The following E2F5 variants were observed in gnomAD, a reference collection of about 807,000 sequenced individuals.
E2F5 encodes the protein transcription factor E2F5.
In E2F5, 23 loss-of-function variants were observed where a neutral mutation model predicts 39.1. The ratio of observed to expected loss-of-function variants is 0.59; its 90% CI spans 0.42 to 0.83. The LOEUF is 0.83. E2F5 is among the 40% of genes least tolerant of loss of function. The pLI is 0.00. For synonymous variants in E2F5, 145 were observed against 157.8 expected (o/e 0.92, Z 0.61); for missense variants, 365 against 406.7 (o/e 0.90, Z 0.88).
At chr8:85,185,227 G>C (rs1812304740) in intron 1 of E2F5, among the ~76,000 whole-genome samples, 1 of 152,086 alleles carries the variant, frequency 6.6e-6, no homozygotes, top group African/African-American at 2.4e-5. Flanking sequence ...ACAACCATCT[G>C]ATCTTTGACA....
intron 1 of E2F5, 75 bp downstream of exon 1, chr8:85,177,729 T>C: frequency 8.5e-7 from 1 of 1,172,246 alleles, no homozygotes; most frequent in Non-Finnish European, 1.1e-6. Context: ...CCTCGCCGCG[T>C]GGGTCTAGCG....
At chr8:85,180,190 T>G (rs1285292095) in intron 1 of E2F5, among the ~76,000 whole-genome samples, 1 of 151,588 alleles carries the variant, frequency 6.6e-6, no homozygotes, top group Non-Finnish European at 1.5e-5. Flanking sequence ...CCGACTCATT[T>G]TTGTATGTTT....
chr8:85,210,308 T>G (rs1812887987), intron 6 of E2F5, among the ~76,000 whole-genome samples: 1 of 152,218 alleles, frequency 6.6e-6, no homozygotes, highest in Non-Finnish European at 1.5e-5. Context: ...TTTTTTAGCT[T>G]CTTTTTGCCC....
chr8:85,177,271 A>C lies in E2F5; in HGVS notation c.-150A>C, dbSNP rs1455960654. On this transcript the variant is annotated 5_prime_UTR_variant, in exon 1 of 8. Coordinates refer to ENST00000416274, the MANE Select transcript of E2F5 (RefSeq NM_001951.4). ...CGGCCCAGACTCCCGTGGGCGCCGC[A>C]CACCTGTTGTTTGCAGCAGCCAGCG... The C allele has an allele frequency of 1.6e-6, 1 of 621,112 alleles. No homozygotes were observed. The highest frequency in any genetic ancestry group is 6.3e-5 in the Admixed American group (1 of 15,786). 38.5% of individuals were successfully genotyped at this position (621,112 alleles called of 1,614,324 possible). A position where few individuals can be genotyped will look rare whatever the true frequency, so the allele number is the denominator to read the frequency against.
At chr8:85,188,316 CTTTTT>C (rs74366212) in intron 1 of E2F5, among the ~76,000 whole-genome samples, 4 of 115,036 alleles carry the variant, frequency 3.5e-5, no homozygotes, top group African/African-American at 1.0e-4. Context: ...CCTTAGCATC[CTTTTT>C]TTTTTTTTTT....
intron 6 of E2F5, 130 bp downstream of exon 6, chr8:85,209,539 CATA>C: frequency 3.6e-6 from 4 of 1,105,090 alleles, no homozygotes; most frequent in Non-Finnish European, 3.8e-6. Flanking sequence ...TTTGCATATA[CATA>C]ATAACATATC....
intron 1 of E2F5, among the ~76,000 whole-genome samples, chr8:85,190,497 CTTTTTTTTTTTTTT>C (rs34804570): frequency 5.7e-5 from 4 of 70,304 alleles, no homozygotes; most frequent in Non-Finnish European, 9.8e-5. Context: ...GAGATTTTTC[CTTTTTTTTTTTTTT>C]TTTTTTTTTT....
chr8:85,206,809 ATATT>A (rs1291352804), intron 4 of E2F5, among the ~76,000 whole-genome samples: 1 of 152,206 alleles, frequency 6.6e-6, no homozygotes, highest in Non-Finnish European at 1.5e-5. Flanking sequence ...GAAATTGTGC[ATATT>A]TAAATTTATG....
intron 1 of E2F5, among the ~76,000 whole-genome samples, chr8:85,182,185 A>G (rs1812234281): frequency 6.6e-6 from 1 of 152,198 alleles, no homozygotes; most frequent in Non-Finnish European, 1.5e-5. Flanking sequence ...TATCATGGTT[A>G]TTTCAAGCTA....
chr8:85,198,513 G>A (rs2129704175), intron 1 of E2F5, among the ~76,000 whole-genome samples: 1 of 152,186 alleles, frequency 6.6e-6, no homozygotes, highest in East Asian at 1.9e-4. Flanking sequence ...TGCCAAAACA[G>A]CTCTGATCAA....
In E2F5 at chr8:85,213,905, A is replaced by G; in HGVS notation, c.*43A>G. 8.7e-7 allele frequency: 1 copy of G among 1,147,156 alleles called. No individual in the cohort carries two copies. The highest frequency in any genetic ancestry group is 1.9e-5 in the Admixed American group (1 of 52,866). The allele number at this position is 1,147,156 out of a possible 1,614,324, so 71.1% of individuals were successfully genotyped here. ...GACTGTTATCTACCTCTAACTGTGT[A>G]ACATTTTAGACTTCTTAATAACCTA... On this transcript the variant is annotated 3_prime_UTR_variant, in exon 8 of 8. Transcript: ENST00000416274.
At chr8:85,184,367 C>T (rs879638487) in intron 1 of E2F5, among the ~76,000 whole-genome samples, 2 of 152,290 alleles carry the variant, frequency 1.3e-5, no homozygotes, top group East Asian at 3.9e-4. Context: ...GAACATATCT[C>T]AAAATAATAA....
intron 3 of E2F5, among the ~76,000 whole-genome samples, chr8:85,205,828 A>G (rs541530040): frequency 6.6e-6 from 1 of 152,284 alleles, no homozygotes; most frequent in East Asian, 1.9e-4. Flanking sequence ...AACAACGATC[A>G]CAGAAAATTC....
Position 85,177,318 on chromosome 8 carries a change from G to C in E2F5, c.-103G>C. 2 of 929,220 alleles carry C rather than the reference G, an allele frequency of 2.2e-6. No homozygotes were observed. Among genetic ancestry groups the C allele is most frequent in the Non-Finnish European group, 2.6e-6 (2 of 778,610 alleles). The allele number at this position is 929,220 out of a possible 1,614,324, so 57.6% of individuals were successfully genotyped here. ...AGCGACCCGCACTACCGCTCTCGGC[G>C]GGCGGGGAAGCGGCCGCAGCGGAGC... On this transcript the variant is annotated 5_prime_UTR_variant, in exon 1 of 8. Transcript: ENST00000416274.
In E2F5 at chr8:85,177,433, G is replaced by A; in HGVS notation, c.13G>A (p.Glu5Lys). 1 of 990,810 alleles carries A rather than the reference G, an allele frequency of 1.0e-6. No individual in the cohort carries two copies. The highest frequency in any genetic ancestry group is 1.2e-6 in the Non-Finnish European group (1 of 834,644). The allele number at this position is 990,810 out of a possible 1,614,324, so 61.4% of individuals were successfully genotyped here. A position where few individuals can be genotyped will look rare whatever the true frequency, so the allele number is the denominator to read the frequency against. Residue 5 changes from glutamate to lysine, a missense_variant, in exon 1 of 8, where the codon GAG becomes AAG. Glu to Lys is a moderately conservative substitution (Grantham distance 56). Coordinates refer to ENST00000416274, the MANE Select transcript of E2F5 (RefSeq NM_001951.4). ...GGGCCGGGACGCGATGGCGGCGGCA[G>A]AGCCCGCGAGCTCGGGCCAGCAGGC... MAAA[E>K]PASSGQQAPA...
At chr8:85,181,723 G>A (rs1314299472) in intron 1 of E2F5, among the ~76,000 whole-genome samples, 1 of 150,714 alleles carries the variant, frequency 6.6e-6, no homozygotes, top group Non-Finnish European at 1.5e-5. Flanking sequence ...ACTTTGAGAG[G>A]CCGAGGCGGG....
At chr8:85,202,335 C>A in intron 2 of E2F5, 79 bp downstream of exon 2, 1 of 1,037,536 alleles carries the variant, frequency 9.6e-7, no homozygotes, top group Non-Finnish European at 1.4e-6. Context: ...CCCAATGTTT[C>A]TATCTCCCAA....
rs200123183 is a variant in E2F5, at chr8:85,206,176, C to G, written c.507-1C>G. 3.5e-4 allele frequency: 561 copies of G among 1,612,858 alleles called. No individual in the cohort carries two copies. Among genetic ancestry groups the G allele is most frequent in the Non-Finnish European group, 4.6e-4 (547 of 1,179,456 alleles). On this transcript the variant is annotated splice_acceptor_variant, in intron 3 of 7. Coordinates refer to ENST00000416274, the MANE Select transcript of E2F5 (RefSeq NM_001951.4). LOFTEE classifies it high-confidence loss of function. ...TCGTTCCTTAACTCCTATGACAGTA[C>G]ATTTTCCTATGTAACTCATGAAGAC...
intron 3 of E2F5, among the ~76,000 whole-genome samples, chr8:85,204,017 G>C (rs7827055): frequency 0.015 from 2,205 of 151,814 alleles, 57 homozygotes; most frequent in African/African-American, 0.05. Context: ...ATGAAATTTT[G>C]ACTAATGTAT....
Sources: gnomAD v4.1 joint callset for allele counts (sites outside exome capture counted in the v4.1 genomes callset) on GRCh38, gnomAD v4.1.1 for gene constraint, MANE v1.5 for transcripts, NCBI Gene and HGNC (gene_info 2026-07-23, HGNC 2026-07-21) for gene names.